DOP1B: variants seen among roughly 807,000 people sequenced by gnomAD.
DOP1B encodes DOP1 leucine zipper like protein B.
In DOP1B, 174 loss-of-function variants were observed where a neutral mutation model predicts 233.5. The ratio of observed to expected loss-of-function variants is 0.75; its 90% CI spans 0.66 to 0.85. DOP1B has a LOEUF of 0.85. Among genes scored for constraint, DOP1B ranks in the 40% least tolerant of loss-of-function variants. The pLI, the probability that DOP1B is intolerant of heterozygous loss-of-function variation, is 0.00. For synonymous variants in DOP1B, 1,190 were observed against 1,185.6 expected (o/e 1.00, Z -0.08); for missense variants, 2,652 against 2,846.6 (o/e 0.93, Z 1.56).
rs537963536 is a variant in DOP1B, at chr21:36,240,554, T to C, written c.3067+599T>C. 1.2e-4 allele frequency among the ~76,000 whole-genome samples: 19 copies of C among 152,352 alleles called. No homozygotes were observed. The South Asian group carries it at 3.9e-3, about 32-fold the overall frequency. On this transcript the variant is annotated intron_variant, in intron 18 of 36. Coordinates refer to ENST00000691173, the MANE Select transcript of DOP1B (RefSeq NM_001320714.2). ...TACAAGGTAAGTGGTTTATTTTCTA[T>C]CTGTGCTCTAAGATTCTTTTAGACT...
chr21:36,217,093 A>G (rs868574900), intron 9 of DOP1B, among the ~76,000 whole-genome samples: 3,842 of 148,424 alleles, frequency 0.026, 116 homozygotes, highest in African/African-American at 0.084. Flanking sequence ...AAAAAAAAAA[A>G]AGAGAGCTGA....
At chr21:36,185,594 G>T (rs573939393) in intron 2 of DOP1B, among the ~76,000 whole-genome samples, 1 of 152,174 alleles carries the variant, frequency 6.6e-6, no homozygotes, top group African/African-American at 2.4e-5. Flanking sequence ...GTCGGCCAGC[G>T]CCTTGTGAAG....
chr21:36,244,960 T>G (rs1159514207), intron 18 of DOP1B, 88 bp from the exon 19 acceptor site: 10 of 1,335,142 alleles, frequency 7.5e-6, no homozygotes, highest in Admixed American at 4.9e-5. Flanking sequence ...GATCTTTCTG[T>G]CTGGCTTTAA....
intron 32 of DOP1B, among the ~76,000 whole-genome samples, chr21:36,283,421 G>A (rs1348082831): frequency 1.6e-5 from 2 of 123,978 alleles, no homozygotes. Flanking sequence ...TAACAGCGTT[G>A]ACTCGTTAGT....
chr21:36,198,373 G>C (rs1193890257), intron 2 of DOP1B, among the ~76,000 whole-genome samples: 1 of 151,576 alleles, frequency 6.6e-6, no homozygotes, highest in Non-Finnish European at 1.5e-5. Flanking sequence ...AGGTTGCAGT[G>C]AGCTGAGATT....
intron 27 of DOP1B, among the ~76,000 whole-genome samples, chr21:36,272,782 C>T (rs987253928): frequency 2.0e-5 from 3 of 151,426 alleles, no homozygotes; most frequent in Non-Finnish European, 2.9e-5. Flanking sequence ...GTCCAGAGTT[C>T]GAGACCAGCC....
chr21:36,268,750 AGC>A (rs758377450), intron 26 of DOP1B, among the ~76,000 whole-genome samples: 1 of 152,104 alleles, frequency 6.6e-6, no homozygotes, highest in Non-Finnish European at 1.5e-5. Flanking sequence ...GCTCACCACA[AGC>A]TCTGTCATCT....
At chr21:36,185,036 C>T (rs754096522) in intron 2 of DOP1B, among the ~76,000 whole-genome samples, 1 of 152,090 alleles carries the variant, frequency 6.6e-6, no homozygotes, top group Non-Finnish European at 1.5e-5. Context: ...AGACTGTGTC[C>T]CGAAGGCGTT....
intron 18 of DOP1B, among the ~76,000 whole-genome samples, chr21:36,240,836 TTGAG>T (rs1449044003): frequency 1.3e-5 from 2 of 152,132 alleles, no homozygotes; most frequent in South Asian, 2.1e-4. Flanking sequence ...TTTGCAAACT[TTGAG>T]TGAGTTTGTT....
At chr21:36,284,324 G>A (rs1206497915) in intron 32 of DOP1B, among the ~76,000 whole-genome samples, 3 of 131,628 alleles carry the variant, frequency 2.3e-5, no homozygotes, top group East Asian at 2.3e-4. Context: ...AGGCTGGAGT[G>A]CAGTGGTGCA....
At chr21:36,210,636 C>T (rs1245147924) in intron 5 of DOP1B, among the ~76,000 whole-genome samples, 1 of 152,062 alleles carries the variant, frequency 6.6e-6, no homozygotes, top group Non-Finnish European at 1.5e-5. Flanking sequence ...CAAAGCGAGA[C>T]TCTGTCTGAA....
chr21:36,277,940 C>A (rs1188576494), intron 28 of DOP1B, 35 bp from the exon 29 acceptor site: 5 of 1,576,368 alleles, frequency 3.2e-6, no homozygotes, highest in Non-Finnish European at 4.4e-6. Flanking sequence ...TCGCACCTGG[C>A]CAGTTTCTGT....
At chr21:36,236,646 T>C (rs1601435947) in intron 15 of DOP1B, among the ~76,000 whole-genome samples, 1 of 152,226 alleles carries the variant, frequency 6.6e-6, no homozygotes, top group Non-Finnish European at 1.5e-5. Flanking sequence ...GAAAGTAATG[T>C]TGAGGTTGAG....
intron 32 of DOP1B, among the ~76,000 whole-genome samples, chr21:36,286,068 G>A (rs749625072): frequency 1.3e-5 from 2 of 151,872 alleles, no homozygotes; most frequent in Admixed American, 6.6e-5. Flanking sequence ...CTGGGATACC[G>A]TTTGGGGTCC....
At position 36,245,324 on chromosome 21, in the gene DOP1B, C is replaced by T; in HGVS notation, c.3344C>T (p.Thr1115Ile). 1.2e-6 allele frequency: 2 copies of T among 1,614,136 alleles called. No individual in the cohort carries two copies. The highest frequency in any genetic ancestry group is 8.5e-7 in the Non-Finnish European group (1 of 1,180,048). ...DSSEHTESAD[T>I]SSCHTDSENT... The stretch of plus-strand genomic sequence containing the variant: ...AGCGAGCACACCGAGTCTGCAGATA[C>T]AAGCTCCTGCCACACGGACAGCGAG... Residue 1115 changes from threonine (T) to isoleucine (I), a missense_variant, in exon 19 of 37, where the codon ACA becomes ATA. Coordinates refer to ENST00000691173, the MANE Select transcript of DOP1B (RefSeq NM_001320714.2). The surrounding 1 kb of genome is among the most constrained non-coding windows in gnomAD (Gnocchi z 5.5).
intron 26 of DOP1B, among the ~76,000 whole-genome samples, chr21:36,268,852 C>T (rs1016457128): frequency 1.3e-5 from 2 of 151,756 alleles, no homozygotes; most frequent in East Asian, 2.0e-4. Flanking sequence ...GTATTTTTAG[C>T]AGAGACGGGG....
chr21:36,220,095 T>C (rs1167367427), intron 10 of DOP1B, among the ~76,000 whole-genome samples: 1 of 152,156 alleles, frequency 6.6e-6, no homozygotes, highest in Non-Finnish European at 1.5e-5. Flanking sequence ...TTGTTCCTTT[T>C]AAGGGAATAC....
At chr21:36,277,224 C>T in intron 28 of DOP1B, 124 bp downstream of exon 28, 3 of 878,316 alleles carry the variant, frequency 3.4e-6, no homozygotes, top group Non-Finnish European at 5.3e-6. Context: ...TGAGCTCGTC[C>T]ATCAGGCAGC....
At chr21:36,167,027 T>C (rs2065917744) in intron 2 of DOP1B, among the ~76,000 whole-genome samples, 2 of 152,204 alleles carry the variant, frequency 1.3e-5, no homozygotes, top group Admixed American at 1.3e-4. Flanking sequence ...TGAATGCAGA[T>C]TGCATTCGCA....
Sources: allele counts gnomAD v4.1 joint callset (sites outside exome capture counted in the v4.1 genomes callset), GRCh38; gene constraint gnomAD v4.1.1; non-coding constraint Gnocchi (gnomAD v3.1); transcripts MANE v1.5; gene names NCBI Gene and HGNC (gene_info 2026-07-23, HGNC 2026-07-21).